HCN1: variants seen among roughly 807,000 people sequenced by gnomAD.
HCN1 encodes potassium/sodium hyperpolarization-activated cyclic nucleotide-gated channel 1.
In HCN1, 13 loss-of-function variants were observed where a neutral mutation model predicts 78.9. The ratio of observed to expected loss-of-function variants is 0.16; its 90% confidence interval spans 0.11 to 0.26. The LOEUF (loss-of-function observed/expected upper bound fraction) is 0.26. HCN1 is among the 10% of genes least tolerant of loss of function. The pLI is 1.00. For missense variants in HCN1, 810 were observed against 1,154.3 expected (o/e 0.70, Z 4.32); for synonymous variants, 552 against 455.5 (o/e 1.21, Z -2.70).
intron 6 of HCN1, among the ~76,000 whole-genome samples, chr5:45,282,235 T>C (rs559204514): frequency 2.4e-4 from 37 of 152,296 alleles, no homozygotes; most frequent in African/African-American, 8.2e-4. Context: ...ATTGTTTCAT[T>C]TGTGCTCCAT....
chr5:45,277,892 C>A (rs1207857162), intron 6 of HCN1, among the ~76,000 whole-genome samples: 1 of 152,106 alleles, frequency 6.6e-6, no homozygotes, highest in African/African-American at 2.4e-5. Context: ...AATCAGAGTG[C>A]ATGAGTTGTG....
intron 5 of HCN1, among the ~76,000 whole-genome samples, chr5:45,338,981 A>T (rs1422769987): frequency 6.6e-6 from 1 of 152,120 alleles, no homozygotes; most frequent in Admixed American, 6.5e-5. Context: ...TGTGATTCTG[A>T]TATTAGAAAA....
intron 5 of HCN1, among the ~76,000 whole-genome samples, chr5:45,320,419 G>A (rs578036684): frequency 9.9e-5 from 15 of 151,980 alleles, no homozygotes; most frequent in African/African-American, 3.4e-4. Context: ...ATAAAAAGAA[G>A]AGTCAACATC....
At chr5:45,687,472 C>T (rs1041637263) in intron 1 of HCN1, among the ~76,000 whole-genome samples, 7 of 152,112 alleles carry the variant, frequency 4.6e-5, no homozygotes, top group East Asian at 3.9e-4. Flanking sequence ...CTAATTCTAA[C>T]GGGCTTCCTA....
In HCN1 at chr5:45,567,214, A is replaced by T. The variant is rs368637300; in HGVS notation, c.849+77971T>A. On this transcript the variant is annotated intron_variant, in intron 2 of 7. Coordinates refer to ENST00000303230, the MANE Select transcript of HCN1 (RefSeq NM_021072.4). ...TGCCAGCATCACAGATTTTTCTTTCATTTTTTTTTTTGTCTTTCTACCTCC... is the reference window on the plus strand; with the variant it reads ...TGCCAGCATCACAGATTTTTCTTTCTTTTTTTTTTTTGTCTTTCTACCTCC... 3.6e-4 allele frequency among the ~76,000 whole-genome samples: 54 copies of T among 148,522 alleles called. 1 individual carries two copies. In the East Asian group the frequency reaches 7.9e-3, roughly 22 times the overall value.
intron 2 of HCN1, among the ~76,000 whole-genome samples, chr5:45,496,926 G>T (rs1377042624): frequency 6.6e-6 from 1 of 152,142 alleles, no homozygotes; most frequent in Admixed American, 6.6e-5. Context: ...TGGTTTCAAA[G>T]AACATCTTTA....
intron 2 of HCN1, among the ~76,000 whole-genome samples, chr5:45,486,646 A>G (rs900370374): frequency 6.6e-6 from 1 of 152,112 alleles, no homozygotes; most frequent in African/African-American, 2.4e-5. Context: ...ATTAATAGCA[A>G]AGCTACTTTA....
At chr5:45,578,420 T>C (rs1743990844) in intron 2 of HCN1, among the ~76,000 whole-genome samples, 4 of 151,888 alleles carry the variant, frequency 2.6e-5, no homozygotes. Context: ...TATTTTCTGT[T>C]GCTATGGAGA....
At chr5:45,603,509 G>A (rs1348495938) in intron 2 of HCN1, among the ~76,000 whole-genome samples, 1 of 152,032 alleles carries the variant, frequency 6.6e-6, no homozygotes, top group Non-Finnish European at 1.5e-5. Flanking sequence ...CTTGCAGGGA[G>A]CTTTTTTAAT....
At chr5:45,333,446 T>G (rs763101931) in intron 5 of HCN1, among the ~76,000 whole-genome samples, 12 of 151,856 alleles carry the variant, frequency 7.9e-5, no homozygotes, top group Non-Finnish European at 1.6e-4. Flanking sequence ...GATTGTCTTT[T>G]TACTTTGTTG....
At chr5:45,509,404 G>A (rs539826724) in intron 2 of HCN1, among the ~76,000 whole-genome samples, 9 of 151,892 alleles carry the variant, frequency 5.9e-5, no homozygotes, top group Non-Finnish European at 1.0e-4. Context: ...AAAAATAAAG[G>A]GAAAAAAAAG....
intron 1 of HCN1, among the ~76,000 whole-genome samples, chr5:45,655,140 C>T (rs1216410706): frequency 6.6e-6 from 1 of 151,932 alleles, no homozygotes; most frequent in Non-Finnish European, 1.5e-5. Flanking sequence ...TTTATGGAAG[C>T]TTTGGAATGT....
intron 2 of HCN1, among the ~76,000 whole-genome samples, chr5:45,639,961 C>A (rs1212004635): frequency 1.3e-5 from 2 of 152,170 alleles, no homozygotes; most frequent in Non-Finnish European, 1.5e-5. Context: ...ATCTACTGCA[C>A]TAGGCTGCTT....
chr5:45,619,084 A>AT (rs1226109934), intron 2 of HCN1, among the ~76,000 whole-genome samples: 3 of 152,034 alleles, frequency 2.0e-5, no homozygotes, highest in African/African-American at 4.8e-5. Context: ...AGAAAAATTG[A>AT]TTTTTTTCTT....
intron 1 of HCN1, among the ~76,000 whole-genome samples, chr5:45,664,425 T>A (rs1745990610): frequency 7.1e-6 from 1 of 141,106 alleles, no homozygotes; most frequent in Non-Finnish European, 1.5e-5. Context: ...ACCTGCACAA[T>A]GTGCACATGT....
intron 3 of HCN1, among the ~76,000 whole-genome samples, chr5:45,412,428 C>A (rs142764177): frequency 1.3e-5 from 2 of 151,902 alleles, no homozygotes; most frequent in Admixed American, 1.3e-4. Context: ...ATAGTGGAGC[C>A]GGGAACAGTG....
chr5:45,376,170 T>C (rs1747651039), intron 4 of HCN1, among the ~76,000 whole-genome samples: 1 of 16,570 alleles, frequency 6.0e-5, no homozygotes, highest in Non-Finnish European at 1.1e-4. Flanking sequence ...TTTTATAATA[T>C]ATAATATATT....
chr5:45,427,981 G>A (rs1740385658), intron 3 of HCN1, among the ~76,000 whole-genome samples: 1 of 152,036 alleles, frequency 6.6e-6, no homozygotes, highest in African/African-American at 2.4e-5. Context: ...TAGTATGGTG[G>A]AAAGAGGGTG....
intron 2 of HCN1, among the ~76,000 whole-genome samples, chr5:45,496,797 G>A (rs187774233): frequency 6.6e-6 from 1 of 152,086 alleles, no homozygotes; most frequent in Non-Finnish European, 1.5e-5. Context: ...CGTGATGTTA[G>A]GGTGTAAATT....
Sources: allele counts gnomAD v4.1 joint callset (sites outside exome capture counted in the v4.1 genomes callset), GRCh38; gene constraint gnomAD v4.1.1; transcripts MANE v1.5; gene names NCBI Gene and HGNC (gene_info 2026-07-23, HGNC 2026-07-21).